Variants in ZDHHC21 observed in about 807,000 individuals in gnomAD.
ZDHHC21 encodes palmitoyltransferase ZDHHC21.
ZDHHC21 carries 15 observed loss-of-function variants against 34.6 expected under a neutral mutation model. The observed-to-expected ratio is 0.43, with a 90% CI of 0.29 to 0.67. The LOEUF (loss-of-function observed/expected upper bound fraction) is 0.67, where lower values mean the gene tolerates loss of function less well. Among genes scored for constraint, ZDHHC21 ranks in the 30% least tolerant of loss-of-function variants. The pLI is 0.14. For missense variants in ZDHHC21, 344 were observed against 327.7 expected, an observed-to-expected ratio of 1.05 and a Z score of -0.38; for synonymous variants, 142 against 101.8, an observed-to-expected ratio of 1.40 and a Z score of -2.38.
chr9:14,597,894 C>G, the ZDHHC21 span, among the ~76,000 whole-genome samples: 1 of 152,056 alleles, frequency 6.6e-6, no homozygotes, highest in Non-Finnish European at 1.5e-5. Context: ...GAGAATTAAC[C>G]CACTCTACCC....
At position 14,611,861 on chromosome 9, in the gene ZDHHC21, T is replaced by C. The variant is rs1277965921; in HGVS notation, c.*7105A>G. 1.3e-5 allele frequency: 2 copies of C among 152,088 alleles called. No individual in the cohort carries two copies. Among genetic ancestry groups the C allele is most frequent in the Admixed American group, 1.3e-4 (2 of 15,228 alleles). The allele number at this position is 152,088 out of a possible 1,614,324, so 9.4% of individuals were successfully genotyped here. On this transcript the variant is annotated 3_prime_UTR_variant, in exon 10 of 10. Coordinates refer to ENST00000380916, the MANE Select transcript of ZDHHC21 (RefSeq NM_178566.6). ...ATTCTGGTGGAAGTTTTTACTTTTG[T>C]ATCATTTAGTTGCTTTATTCTTACA...
chr9:14,679,135 C>T (rs62538526), intron 3 of ZDHHC21, among the ~76,000 whole-genome samples: 6 of 151,812 alleles, frequency 4.0e-5, no homozygotes, highest in African/African-American at 9.7e-5. Context: ...TGTCATGGTA[C>T]GTAAATTTAC....
rs141635769 is a variant in ZDHHC21, at chr9:14,648,518, T to C, written c.505-8506A>G. ...TGGTCTCCCTACTGTTCCTTGAGAA[T>C]GTCAACAACAGTGACTTGCTTGAGT... is the stretch of plus-strand genomic sequence containing the variant. On this transcript the variant is annotated intron_variant, in intron 7 of 9. Transcript: ENST00000380916. 1.2e-4 allele frequency among the ~76,000 whole-genome samples: 18 copies of C among 152,222 alleles called. No homozygotes were observed. In the East Asian group the frequency reaches 3.5e-3, roughly 29 times the overall value.
rs1227465700 is a variant in ZDHHC21, at chr9:14,616,464, ACTC to A, written c.*2499_*2501del. ...TAAAATTTTACATTTTTGTACATAC[ACTC>A]CTCCTAAGTTTGTACTTTTGATATG... is the stretch of plus-strand genomic sequence containing the variant. On this transcript the variant is annotated 3_prime_UTR_variant, in exon 10 of 10. Coordinates refer to ENST00000380916, the MANE Select transcript of ZDHHC21 (RefSeq NM_178566.6). 2.0e-5 allele frequency: 3 copies of A among 151,500 alleles called. No individual in the cohort carries two copies. Among genetic ancestry groups the A allele is most frequent in the East Asian group, 3.9e-4 (2 of 5,144 alleles). 9.4% of individuals were successfully genotyped at this position (151,500 alleles called of 1,614,324 possible). A position where few individuals can be genotyped will look rare whatever the true frequency, so the allele number is the denominator to read the frequency against.
intron 7 of ZDHHC21, among the ~76,000 whole-genome samples, chr9:14,657,228 T>C (rs1372670901): frequency 1.3e-5 from 2 of 152,104 alleles, no homozygotes; most frequent in African/African-American, 2.4e-5. Context: ...AAAATTTTCA[T>C]GAAAATTAAT....
At chr9:14,664,442 G>A (rs9776642) in intron 5 of ZDHHC21, among the ~76,000 whole-genome samples, 37,711 of 150,684 alleles carry the variant, frequency 0.25, 5,171 homozygotes, top group East Asian at 0.35. Flanking sequence ...AGGGGCGCCC[G>A]CCATTGCCCA....
intron 5 of ZDHHC21, among the ~76,000 whole-genome samples, chr9:14,664,484 G>A (rs1834026687): frequency 6.6e-6 from 1 of 151,890 alleles, no homozygotes; most frequent in Non-Finnish European, 1.5e-5. Flanking sequence ...CAGCCGGGAA[G>A]CTCGAACTGG....
At chr9:14,668,046 A>G (rs1402182625) in intron 5 of ZDHHC21, among the ~76,000 whole-genome samples, 1 of 86,320 alleles carries the variant, frequency 1.2e-5, no homozygotes, top group African/African-American at 4.5e-5. Context: ...AATTAGGAAA[A>G]GAGGAAGTCA....
intron 2 of ZDHHC21, among the ~76,000 whole-genome samples, chr9:14,681,650 T>A (rs1044146188): frequency 1.3e-5 from 2 of 151,872 alleles, no homozygotes; most frequent in African/African-American, 4.8e-5. Context: ...TGCAACTAGG[T>A]AGGTTGACTG....
intron 2 of ZDHHC21, among the ~76,000 whole-genome samples, chr9:14,685,274 G>C (rs1403069657): frequency 2.6e-5 from 4 of 151,652 alleles, no homozygotes; most frequent in African/African-American, 7.3e-5. Context: ...GCAACCTACA[G>C]AATGGGAGAA....
At chr9:14,626,597 TAA>T (rs1826257861) in intron 8 of ZDHHC21, among the ~76,000 whole-genome samples, 2 of 152,072 alleles carry the variant, frequency 1.3e-5, no homozygotes, top group Middle Eastern at 3.4e-3. Flanking sequence ...ATGCATATGC[TAA>T]AGAGTAGCCC....
At chr9:14,647,353 G>A (rs1232544709) in intron 7 of ZDHHC21, among the ~76,000 whole-genome samples, 3 of 152,064 alleles carry the variant, frequency 2.0e-5, no homozygotes, top group South Asian at 4.1e-4. Flanking sequence ...TTAAATACTT[G>A]ATCTGTGAAT....
Position 14,632,695 on chromosome 9 carries a change from C to T in ZDHHC21, c.621+7201G>A, listed in dbSNP as rs201723528. Among the ~76,000 whole-genome samples, 3 of 9,114 alleles carry T rather than the reference C, an allele frequency of 3.3e-4. 1 individual carries two copies. The highest frequency in any genetic ancestry group is 4.3e-3 in the South Asian group (1 of 232). 6.0% of individuals were successfully genotyped at this position (9,114 alleles called of 152,430 possible). On this transcript the variant is annotated intron_variant, in intron 8 of 9. Coordinates refer to ENST00000380916, the MANE Select transcript of ZDHHC21 (RefSeq NM_178566.6). Reference sequence around the variant, plus strand: ...AGAATATTTGCAAATCACATATTTGCAAATAATATATCTGAAAAGGGACTT... The same window carrying T: ...AGAATATTTGCAAATCACATATTTGTAAATAATATATCTGAAAAGGGACTT...
intron 6 of ZDHHC21, among the ~76,000 whole-genome samples, chr9:14,660,103 A>C (rs1027208510): frequency 2.0e-5 from 3 of 151,976 alleles, no homozygotes; most frequent in Non-Finnish European, 2.9e-5. Flanking sequence ...CGGTGACTCA[A>C]GCCTGTAATC....
In ZDHHC21 at chr9:14,639,881, TA is replaced by T; in HGVS notation, c.621+14del. The T allele has an allele frequency of 1.4e-6, 2 of 1,407,244 alleles. No homozygotes were observed. Among genetic ancestry groups the T allele is most frequent in the Non-Finnish European group, 2.0e-6 (2 of 1,024,386 alleles). The allele number at this position is 1,407,244 out of a possible 1,614,324, so 87.2% of individuals were successfully genotyped here. ...TATATTCATAAATGTTACTTTACAT[TA>T]AAAATATACTTACTGTGATGATGCC... On this transcript the variant is annotated intron_variant, in intron 8 of 9. Coordinates refer to ENST00000380916, the MANE Select transcript of ZDHHC21 (RefSeq NM_178566.6).
intron 8 of ZDHHC21, among the ~76,000 whole-genome samples, chr9:14,627,131 C>T (rs931023281): frequency 2.0e-5 from 3 of 152,026 alleles, no homozygotes; most frequent in Non-Finnish European, 2.9e-5. Context: ...CAAAATTTAA[C>T]TATAGGAATT....
intron 7 of ZDHHC21, among the ~76,000 whole-genome samples, chr9:14,645,588 T>C (rs62535360): frequency 0.29 from 44,499 of 151,806 alleles, 7,417 homozygotes; most frequent in Non-Finnish European, 0.37. Context: ...AATGAAACGG[T>C]TGATAAGGTG....
At chr9:14,602,955 A>AAAAG in the ZDHHC21 span, among the ~76,000 whole-genome samples, 1 of 132,168 alleles carries the variant, frequency 7.6e-6, no homozygotes, top group African/African-American at 2.7e-5. Context: ...AAAAAAAAAA[A>AAAAG]GGGAGAATTT....
chr9:14,594,694 T>C, the ZDHHC21 span, among the ~76,000 whole-genome samples: 4 of 152,124 alleles, frequency 2.6e-5, no homozygotes, highest in Non-Finnish European at 5.9e-5. Flanking sequence ...AAATGATAAA[T>C]TGGAATTCAT....
Sources: allele counts gnomAD v4.1 joint callset (sites outside exome capture counted in the v4.1 genomes callset), GRCh38; gene constraint gnomAD v4.1.1; transcripts MANE v1.5; gene names NCBI Gene and HGNC (gene_info 2026-07-23, HGNC 2026-07-21).